Variants in TRAPPC9 observed in about 807,000 individuals in gnomAD.
The protein encoded by TRAPPC9 is IKK2 binding protein.
A neutral mutation model predicts 124.0 loss-of-function variants in TRAPPC9; 83 were observed. That is an observed-to-expected ratio of 0.67 (90% CI 0.56 to 0.80). The LOEUF is 0.80. TRAPPC9 is among the 30% of genes least tolerant of loss of function. TRAPPC9 has a pLI of 0.00. For missense variants in TRAPPC9, 1,302 were observed against 1,508.3 expected, an observed-to-expected ratio of 0.86 and a Z score of 2.27; for synonymous variants, 638 against 617.5, an observed-to-expected ratio of 1.03 and a Z score of -0.49.
At chr8:140,233,841 C>G (rs1302776377) in intron 16 of TRAPPC9, among the ~76,000 whole-genome samples, 2 of 151,536 alleles carry the variant, frequency 1.3e-5, no homozygotes, top group Non-Finnish European at 2.9e-5. Flanking sequence ...AGTAATTATT[C>G]CCAGAGAAAG....
At chr8:140,121,228 T>C (rs1321891065) in intron 17 of TRAPPC9, among the ~76,000 whole-genome samples, 2 of 152,028 alleles carry the variant, frequency 1.3e-5, no homozygotes, top group African/African-American at 2.4e-5. Context: ...TGAAAGGAGA[T>C]TTTTAGGGAG....
intron 13 of TRAPPC9, among the ~76,000 whole-genome samples, chr8:140,286,777 G>A (rs1188487923): frequency 6.6e-6 from 1 of 152,138 alleles, no homozygotes; most frequent in Non-Finnish European, 1.5e-5. Flanking sequence ...TGCAGGCTGG[G>A]AAGAAGTCCA....
chr8:140,065,436 A>G (rs542926067), intron 17 of TRAPPC9, among the ~76,000 whole-genome samples: 2 of 152,380 alleles, frequency 1.3e-5, no homozygotes, highest in African/African-American at 4.8e-5. Flanking sequence ...TTCTACTAGA[A>G]GAAGATGCCA....
At chr8:139,993,647 G>C (rs1359977407) in intron 18 of TRAPPC9, among the ~76,000 whole-genome samples, 3 of 152,158 alleles carry the variant, frequency 2.0e-5, no homozygotes, top group Non-Finnish European at 4.4e-5. Context: ...ACATCAACTG[G>C]AGAGTAGATA....
chr8:140,402,203 C>T (rs1029980876), intron 6 of TRAPPC9, among the ~76,000 whole-genome samples: 10 of 151,104 alleles, frequency 6.6e-5, no homozygotes, highest in Non-Finnish European at 1.0e-4. Context: ...CCTGTCATTA[C>T]AAATAAAAAA....
chr8:140,394,060 C>T (rs1035355928), intron 7 of TRAPPC9, among the ~76,000 whole-genome samples: 7 of 152,140 alleles, frequency 4.6e-5, no homozygotes, highest in African/African-American at 1.7e-4. Context: ...ACAGGCTGCT[C>T]CAAAGAACAA....
At chr8:140,204,443 A>G (rs1245230124) in intron 17 of TRAPPC9, among the ~76,000 whole-genome samples, 1 of 123,152 alleles carries the variant, frequency 8.1e-6, no homozygotes, top group African/African-American at 3.2e-5. Context: ...TGGACATAGG[A>G]TGGGGAACAT....
intron 17 of TRAPPC9, among the ~76,000 whole-genome samples, chr8:140,118,986 A>G (rs1250282161): frequency 6.6e-6 from 1 of 152,250 alleles, no homozygotes; most frequent in Non-Finnish European, 1.5e-5. Flanking sequence ...GATTTTGTTA[A>G]CTACCGTCAA....
intron 21 of TRAPPC9, among the ~76,000 whole-genome samples, chr8:139,782,051 T>C (rs1033947592): frequency 1.3e-5 from 2 of 152,106 alleles, no homozygotes; most frequent in South Asian, 4.2e-4. Context: ...AAATGTACTT[T>C]AAGTGTAAAA....
intron 20 of TRAPPC9, among the ~76,000 whole-genome samples, chr8:139,894,102 C>T (rs557331734): frequency 1.3e-5 from 2 of 152,372 alleles, no homozygotes; most frequent in East Asian, 1.9e-4. Context: ...TGCTGTGACA[C>T]TGCTGGCAGG....
intron 21 of TRAPPC9, among the ~76,000 whole-genome samples, chr8:139,786,984 C>T (rs543465161): frequency 1.3e-4 from 20 of 152,232 alleles, no homozygotes; most frequent in Admixed American, 2.6e-4. Flanking sequence ...GGTGTGTATG[C>T]TTCAGAACAC....
rs1353150560 is a variant in TRAPPC9 at position 139,773,710 on chromosome 8, C to A, written c.3056-41508G>T. The stretch of plus-strand genomic sequence containing the variant: ...CTCACTCCAGCCGGCAGCAAAACCA[C>A]CCATCAGCCACCTCTGTAGTCCTCT... On this transcript the variant is annotated intron_variant, in intron 21 of 22. Coordinates refer to ENST00000438773, the MANE Select transcript of TRAPPC9 (RefSeq NM_001160372.4). Among the ~76,000 whole-genome samples, 5 of 152,218 alleles carry A rather than the reference C, an allele frequency of 3.3e-5. 1 individual carries two copies. The highest frequency in any genetic ancestry group is 5.9e-5 in the Non-Finnish European group (4 of 68,038).
intron 17 of TRAPPC9, among the ~76,000 whole-genome samples, chr8:140,083,468 G>A (rs548578161): frequency 3.3e-5 from 5 of 152,166 alleles, no homozygotes; most frequent in South Asian, 2.1e-4. Context: ...GCGCAGAAAC[G>A]CACACGCAAC....
intron 21 of TRAPPC9, among the ~76,000 whole-genome samples, chr8:139,820,315 C>A (rs964800699): frequency 1.3e-5 from 2 of 151,864 alleles, no homozygotes; most frequent in African/African-American, 4.8e-5. Context: ...AGAGTAGCTG[C>A]GACTACAGGC....
chr8:139,734,825 C>T (rs1818052238), intron 21 of TRAPPC9, among the ~76,000 whole-genome samples: 1 of 152,350 alleles, frequency 6.6e-6, no homozygotes, highest in East Asian at 1.9e-4. Context: ...GGGAAGTAGC[C>T]CTTCACTCTG....
At chr8:139,842,688 G>A (rs982749196) in intron 21 of TRAPPC9, among the ~76,000 whole-genome samples, 3 of 152,146 alleles carry the variant, frequency 2.0e-5, no homozygotes, top group African/African-American at 7.2e-5. Context: ...GCGGGCCTGT[G>A]GCACAGAGAA....
intron 17 of TRAPPC9, among the ~76,000 whole-genome samples, chr8:140,115,247 C>T (rs1410905259): frequency 6.6e-6 from 1 of 151,216 alleles, no homozygotes; most frequent in Admixed American, 6.6e-5. Context: ...AATGTAAGTG[C>T]TTTGTAAACA....
chr8:139,734,080 C>T (rs1235016620), intron 21 of TRAPPC9, among the ~76,000 whole-genome samples: 1 of 152,244 alleles, frequency 6.6e-6, no homozygotes, highest in African/African-American at 2.4e-5. Context: ...TTGAAAGTCC[C>T]CACACCCAAT....
At chr8:139,877,542 A>G (rs1156763935) in intron 21 of TRAPPC9, among the ~76,000 whole-genome samples, 3 of 152,304 alleles carry the variant, frequency 2.0e-5, no homozygotes, top group Admixed American at 2.0e-4. Context: ...CTCCTGGCCC[A>G]GCCCTGCCCT....
Sources: allele counts gnomAD v4.1 joint callset (sites outside exome capture counted in the v4.1 genomes callset), GRCh38; gene constraint gnomAD v4.1.1; transcripts MANE v1.5; gene names NCBI Gene and HGNC (gene_info 2026-07-23, HGNC 2026-07-21).